The following ZFR2 variants were observed in gnomAD, a reference collection of about 807,000 sequenced individuals.
ZFR2 encodes zinc finger RNA-binding protein 2.
In ZFR2, 104 loss-of-function variants were observed where a neutral mutation model predicts 105.7. That is an observed-to-expected ratio of 0.98 (90% CI 0.84 to 1.16). ZFR2 has a LOEUF of 1.16. ZFR2 is among the 50% of genes most tolerant of loss of function. The probability of loss-of-function intolerance (pLI) is 0.00; values close to 1 mark genes in which losing one functional copy is unlikely to be tolerated. For synonymous variants in ZFR2, 634 were observed against 597.7 expected, an observed-to-expected ratio of 1.06 and a Z score of -0.89; for missense variants, 1,425 against 1,355.5, an observed-to-expected ratio of 1.05 and a Z score of -0.80.
At chr19:3,852,591 G>A (rs779260547) in intron 1 of ZFR2, 29 of 718,590 alleles carry the variant, frequency 4.0e-5, no homozygotes, top group South Asian at 2.7e-4. Context: ...TGCAAGGGCC[G>A]GGGGAGTGGT....
In ZFR2 at chr19:3,805,064, G is replaced by A. The variant is rs1004556064; in HGVS notation, c.*885C>T. The A allele has an allele frequency of 4.6e-5, 7 of 152,202 alleles. No homozygotes were observed. The highest frequency in any genetic ancestry group is 1.3e-4 in the Admixed American group (2 of 15,258). 9.4% of individuals were successfully genotyped at this position (152,202 alleles called of 1,614,324 possible). A position where few individuals can be genotyped will look rare whatever the true frequency, so the allele number is the denominator to read the frequency against. ...CTGGCTAATTTTTTGTAGAGATGGG[G>A]TGTCACCATATTGCCCAGACTGATC... On this transcript the variant is annotated 3_prime_UTR_variant, in exon 19 of 19. Coordinates refer to ENST00000262961, the MANE Select transcript of ZFR2 (RefSeq NM_015174.2).
At chr19:3,822,333 C>T (rs1357547422) in intron 8 of ZFR2, 133 bp from the exon 9 acceptor site, 10 of 1,394,896 alleles carry the variant, frequency 7.2e-6, no homozygotes, top group Non-Finnish European at 8.7e-6. Flanking sequence ...TTAGAGACAG[C>T]GTCTTGCTGT....
chr19:3,824,642 T>C (rs1019383860), intron 7 of ZFR2, among the ~76,000 whole-genome samples: 3 of 152,050 alleles, frequency 2.0e-5, no homozygotes, highest in Admixed American at 6.6e-5. Context: ...CCAGGCCAGA[T>C]TCTACCAGAA....
intron 17 of ZFR2, among the ~76,000 whole-genome samples, 166 bp downstream of exon 17, chr19:3,808,706 C>G (rs529124005): frequency 2.0e-5 from 3 of 152,354 alleles, no homozygotes; most frequent in Admixed American, 2.0e-4. Flanking sequence ...TGACCGCGGC[C>G]CTGTCTGCCT....
chr19:3,859,188 C>T (rs2145192039), intron 1 of ZFR2, among the ~76,000 whole-genome samples: 1 of 152,254 alleles, frequency 6.6e-6, no homozygotes, highest in African/African-American at 2.4e-5. Flanking sequence ...GTCTACAGGC[C>T]TTCATCTTTC....
chr19:3,833,915 C>A (rs1334142590), intron 2 of ZFR2, 137 bp from the exon 3 acceptor site: 2 of 665,130 alleles, frequency 3.0e-6, no homozygotes, highest in Non-Finnish European at 4.9e-6. Context: ...CTGCCCAGGA[C>A]CAGGCCCTGG....
chr19:3,815,403 T>G (rs1568418604), intron 13 of ZFR2, among the ~76,000 whole-genome samples: 1 of 152,206 alleles, frequency 6.6e-6, no homozygotes, highest in Non-Finnish European at 1.5e-5. Flanking sequence ...TTTTTCTTTT[T>G]AAACCTAAGA....
At chr19:3,824,077 G>A (rs1478905158) in intron 7 of ZFR2, among the ~76,000 whole-genome samples, 2 of 152,186 alleles carry the variant, frequency 1.3e-5, no homozygotes, top group Non-Finnish European at 2.9e-5. Context: ...TGGGAGGATC[G>A]CTTAAGCCTA....
intron 12 of ZFR2, among the ~76,000 whole-genome samples, chr19:3,817,623 G>A (rs938266316): frequency 6.7e-6 from 1 of 148,948 alleles, no homozygotes; most frequent in East Asian, 2.0e-4. Context: ...TGGGTGTGGT[G>A]GTACATTCCT....
chr19:3,834,915 A>G lies in ZFR2; in HGVS notation c.122T>C (p.Met41Thr), dbSNP rs1328122913. The G allele has an allele frequency of 1.9e-6, 3 of 1,611,970 alleles. 1 individual carries two copies. In the South Asian group the frequency reaches 3.3e-5, roughly 18 times the overall value. Reference sequence around the variant, plus strand: ...AAAGGCCGGGTTCACGGCAGGGTCCATCCCAGGAGTGGGTTGTGCAGTATA... The same window carrying G: ...AAAGGCCGGGTTCACGGCAGGGTCCGTCCCAGGAGTGGGTTGTGCAGTATA... ...ASYTAQPTPG[M>T]DPAVNPAFPP... is the part of the protein sequence containing the mutation. The change falls in exon 2 of 19, where the codon ATG (methionine) becomes ACG (threonine). Residue 41 changes from methionine (M) to threonine (T), a missense_variant. By Grantham distance (81) the Met-to-Thr change is moderately conservative (BLOSUM62 -1). Transcript: ENST00000262961. This position sits in a 1 kb window ranked among gnomAD's most constrained non-coding sequence, Gnocchi z 5.3.
At chr19:3,814,475 C>T (rs569597624) in intron 13 of ZFR2, among the ~76,000 whole-genome samples, 20 of 152,316 alleles carry the variant, frequency 1.3e-4, no homozygotes, top group Non-Finnish European at 2.5e-4. Flanking sequence ...TGTGCTCACA[C>T]CTGAGCCTGG....
chr19:3,811,222 C>T (rs776023515), intron 15 of ZFR2, 50 bp downstream of exon 15: 8 of 1,484,398 alleles, frequency 5.4e-6, no homozygotes, highest in Non-Finnish European at 4.5e-6. Context: ...CTCTGAGCTA[C>T]GTTCCTCAAA....
chr19:3,817,791 G>C (rs555845463), intron 12 of ZFR2, among the ~76,000 whole-genome samples: 71 of 149,580 alleles, frequency 4.7e-4, no homozygotes, highest in African/African-American at 1.7e-3. Flanking sequence ...GGAGAGGGCA[G>C]CTTCCTGGGC....
intron 1 of ZFR2, among the ~76,000 whole-genome samples, chr19:3,845,617 C>A (rs773722724): frequency 1.5e-5 from 2 of 137,218 alleles, no homozygotes; most frequent in Admixed American, 7.5e-5. Context: ...CATGACAAAA[C>A]CCCATCTTTA....
intron 14 of ZFR2, among the ~76,000 whole-genome samples, chr19:3,812,199 C>T (rs972305546): frequency 6.6e-6 from 1 of 152,094 alleles, no homozygotes; most frequent in Non-Finnish European, 1.5e-5. Flanking sequence ...CGGCCTTGGC[C>T]TCCCAAAGTG....
chr19:3,833,611 G>A, intron 3 of ZFR2, 53 bp downstream of exon 3: 2 of 1,363,258 alleles, frequency 1.5e-6, no homozygotes, highest in Non-Finnish European at 2.0e-6. Flanking sequence ...AGGTTTCCCT[G>A]TGCTGCGGGG....
intron 13 of ZFR2, 59 bp downstream of exon 13, chr19:3,816,615 C>A: frequency 6.4e-7 from 1 of 1,553,732 alleles, no homozygotes; most frequent in Non-Finnish European, 8.7e-7. Context: ...CAAGGGGCTG[C>A]GGGGAGAGGG....
chr19:3,865,901 T>C (rs1991824), intron 1 of ZFR2, among the ~76,000 whole-genome samples: 123,258 of 152,094 alleles, frequency 0.81, 50,834 homozygotes, highest in East Asian at 0.99. Flanking sequence ...TGCAGTAACG[T>C]GATGATCTCA....
intron 3 of ZFR2, 139 bp downstream of exon 3, chr19:3,833,525 G>C (rs1156601469): frequency 1.6e-6 from 1 of 636,844 alleles, no homozygotes; most frequent in East Asian, 2.9e-5. Context: ...GCAGTGAGCC[G>C]AGATCGCACC....
Sources: allele counts gnomAD v4.1 joint callset (sites outside exome capture counted in the v4.1 genomes callset), GRCh38; gene constraint gnomAD v4.1.1; non-coding constraint Gnocchi (gnomAD v3.1); transcripts MANE v1.5; gene names NCBI Gene and HGNC (gene_info 2026-07-23, HGNC 2026-07-21).